SHB: variants seen among roughly 807,000 people sequenced by gnomAD.
The protein encoded by SHB is SH2 domain-containing adapter protein B.
SHB carries 20 observed loss-of-function variants against 52.3 expected under a neutral mutation model. The ratio of observed to expected loss-of-function variants is 0.38; its 90% CI spans 0.27 to 0.56. SHB has a LOEUF of 0.56. Ranked by LOEUF, SHB falls within the 20% of genes least tolerant of loss-of-function variation. The probability of loss-of-function intolerance (pLI) is 0.71; values close to 1 mark genes in which losing one functional copy is unlikely to be tolerated. For missense variants in SHB, 825 were observed against 723.3 expected (o/e 1.14, Z -1.61); for synonymous variants, 397 against 316.5 (o/e 1.25, Z -2.70).
At chr9:37,941,719 C>T (rs934292356) in intron 5 of SHB, among the ~76,000 whole-genome samples, 1 of 152,178 alleles carries the variant, frequency 6.6e-6, no homozygotes, top group Non-Finnish European at 1.5e-5. Context: ...TTCAGGTATG[C>T]TGGGGCTGTG....
intron 3 of SHB, among the ~76,000 whole-genome samples, chr9:37,960,671 C>G (rs1021754485): frequency 6.6e-6 from 1 of 152,198 alleles, no homozygotes; most frequent in Non-Finnish European, 1.5e-5. Flanking sequence ...TCCTGGCCCT[C>G]CCATCTGGAT....
chr9:38,008,977 G>C (rs2118060314), intron 2 of SHB, among the ~76,000 whole-genome samples: 1 of 152,322 alleles, frequency 6.6e-6, no homozygotes, highest in Admixed American at 6.5e-5. Context: ...CCAGACAGAA[G>C]GCCCTTTGCT....
Position 38,049,117 on chromosome 9 carries a change from C to T in SHB, c.717+18812G>A, listed in dbSNP as rs572560285. Among the ~76,000 whole-genome samples, 5 of 152,352 alleles carry T rather than the reference C, an allele frequency of 3.3e-5. No individual in the cohort carries two copies. In the South Asian group the frequency reaches 1.0e-3, roughly 32 times the overall value. On this transcript the variant is annotated intron_variant, in intron 1 of 5. Transcript: ENST00000377707. Reference sequence around the variant, plus strand: ...CTCACTGCAGCCGTAACCTCCCAGACTTAAGTGATCCTGCTACCTCAGCCT... The same window carrying T: ...CTCACTGCAGCCGTAACCTCCCAGATTTAAGTGATCCTGCTACCTCAGCCT...
At chr9:38,016,467 G>T (rs1051201538) in intron 1 of SHB, among the ~76,000 whole-genome samples, 9 of 152,240 alleles carry the variant, frequency 5.9e-5, no homozygotes, top group African/African-American at 2.2e-4. Flanking sequence ...CAGGGAATGT[G>T]AGTTGCTCGG....
intron 2 of SHB, among the ~76,000 whole-genome samples, chr9:37,998,302 C>G: frequency 6.6e-6 from 1 of 152,142 alleles, no homozygotes; most frequent in East Asian, 1.9e-4. Context: ...TTCCTGACCA[C>G]CAAGGACTCC....
At chr9:37,996,401 C>A (rs1264260164) in intron 2 of SHB, among the ~76,000 whole-genome samples, 1 of 152,262 alleles carries the variant, frequency 6.6e-6, no homozygotes, top group African/African-American at 2.4e-5. Context: ...GCCTGTCCAG[C>A]CCTTGGGTGG....
In SHB at chr9:37,917,838, C is replaced by A. The variant is rs1031568272; in HGVS notation, c.*1983G>T. Among the ~76,000 whole-genome samples, 2 of 152,252 alleles carry A rather than the reference C, an allele frequency of 1.3e-5. No homozygotes were observed. Among genetic ancestry groups the A allele is most frequent in the African/African-American group, 2.4e-5 (1 of 41,468 alleles). ...ACAGCCAGCGTGGTCTCTATGAGGGCTGGGCCACGTGGACGTGCCAGACAA... is the reference window on the plus strand; with the variant it reads ...ACAGCCAGCGTGGTCTCTATGAGGGATGGGCCACGTGGACGTGCCAGACAA... On this transcript the variant is annotated 3_prime_UTR_variant, in exon 6 of 6. Coordinates refer to ENST00000377707, the MANE Select transcript of SHB (RefSeq NM_003028.3).
chr9:38,067,901 C>G lies in SHB; in HGVS notation c.717+28G>C, dbSNP rs76677035. On this transcript the variant is annotated intron_variant, in intron 1 of 5. Transcript: ENST00000377707. ...CCCGTGCGCACCGTGGCTCTGGAAC[C>G]TCGGGAAGAGGCCAAGGGGCACCTT... is the stretch of plus-strand genomic sequence containing the variant. 2.5e-3 allele frequency: 3,577 copies of G among 1,440,930 alleles called. 63 individuals carry two copies. In the African/African-American group the frequency reaches 0.047, roughly 19 times the overall value. 89.3% of individuals were successfully genotyped at this position (1,440,930 alleles called of 1,614,324 possible).
chr9:37,990,800 T>C (rs1023915756), intron 2 of SHB, among the ~76,000 whole-genome samples: 3 of 152,162 alleles, frequency 2.0e-5, no homozygotes, highest in Non-Finnish European at 4.4e-5. Flanking sequence ...ACTGAACACA[T>C]CACGCTACAG....
At chr9:38,051,912 G>A (rs1179609751) in intron 1 of SHB, among the ~76,000 whole-genome samples, 2 of 152,196 alleles carry the variant, frequency 1.3e-5, no homozygotes, top group Non-Finnish European at 2.9e-5. Flanking sequence ...GGGACCTAAA[G>A]GAGGCTGAGC....
intron 2 of SHB, among the ~76,000 whole-genome samples, chr9:38,009,764 G>A (rs1821115405): frequency 6.6e-6 from 1 of 152,208 alleles, no homozygotes; most frequent in Non-Finnish European, 1.5e-5. Flanking sequence ...GTTAAAAAGG[G>A]CAGAAGGCCA....
At chr9:38,052,099 G>A (rs1279155901) in intron 1 of SHB, among the ~76,000 whole-genome samples, 2 of 152,092 alleles carry the variant, frequency 1.3e-5, no homozygotes, top group African/African-American at 4.8e-5. Context: ...CATTTGCCTG[G>A]ACATCCTGGA....
At chr9:37,941,335 T>G (rs1832432202) in intron 5 of SHB, among the ~76,000 whole-genome samples, 1 of 152,230 alleles carries the variant, frequency 6.6e-6, no homozygotes, top group Non-Finnish European at 1.5e-5. Flanking sequence ...ACATATATTG[T>G]GTCTTCATTA....
chr9:37,961,511 A>G (rs1832691682), intron 3 of SHB, among the ~76,000 whole-genome samples: 1 of 152,154 alleles, frequency 6.6e-6, no homozygotes, highest in South Asian at 2.1e-4. Flanking sequence ...CTGGCGCTCA[A>G]GTTCCTCTGA....
rs1473461040 is a variant in SHB, at chr9:37,960,335, A to C, written c.1055-4281T>G. On this transcript the variant is annotated intron_variant, in intron 3 of 5. Transcript: ENST00000377707. Reference sequence around the variant, plus strand: ...TTTTAATTTAGTGATTTTTCTGCAAAAGATAAAGACACAGTCCTTCAAAAG... The same window carrying C: ...TTTTAATTTAGTGATTTTTCTGCAACAGATAAAGACACAGTCCTTCAAAAG... Among the ~76,000 whole-genome samples, 4 of 152,240 alleles carry C rather than the reference A, an allele frequency of 2.6e-5. No homozygotes were observed. The East Asian group carries it at 7.7e-4, about 29-fold the overall frequency.
At chr9:38,007,815 G>A (rs1365560225) in intron 2 of SHB, among the ~76,000 whole-genome samples, 1 of 151,910 alleles carries the variant, frequency 6.6e-6, no homozygotes, top group Admixed American at 6.6e-5. Flanking sequence ...AATGACAAGT[G>A]TTAAGGAACA....
intron 5 of SHB, among the ~76,000 whole-genome samples, chr9:37,930,264 A>G (rs1244144735): frequency 6.6e-6 from 1 of 152,204 alleles, no homozygotes; most frequent in African/African-American, 2.4e-5. Context: ...TCATCATTTT[A>G]CAGATGACAC....
chr9:37,960,083 G>T (rs1023818286), intron 3 of SHB, among the ~76,000 whole-genome samples: 3 of 152,186 alleles, frequency 2.0e-5, no homozygotes, highest in East Asian at 1.9e-4. Context: ...TTACACATTT[G>T]CTGGCAAGCT....
intron 2 of SHB, among the ~76,000 whole-genome samples, chr9:37,980,273 T>C (rs1820708999): frequency 6.6e-6 from 1 of 152,262 alleles, no homozygotes; most frequent in Non-Finnish European, 1.5e-5. Context: ...TGCTGCTTCA[T>C]CAACTAAGTT....
Sources: gnomAD v4.1 joint callset for allele counts (sites outside exome capture counted in the v4.1 genomes callset) on GRCh38, gnomAD v4.1.1 for gene constraint, MANE v1.5 for transcripts, NCBI Gene and HGNC (gene_info 2026-07-23, HGNC 2026-07-21) for gene names.